Variants in STXBP5L observed in about 807,000 individuals in gnomAD.
STXBP5L encodes syntaxin binding protein 5L.
In STXBP5L, 65 loss-of-function variants were observed where a neutral mutation model predicts 144.5. That is an observed-to-expected ratio of 0.45 (90% CI 0.37 to 0.55). The LOEUF is 0.55. Ranked by LOEUF, STXBP5L falls within the 20% of genes least tolerant of loss-of-function variation. The pLI is 0.00. For synonymous variants in STXBP5L, 505 were observed against 469.6 expected (o/e 1.08, Z -0.97); for missense variants, 1,298 against 1,405.5 (o/e 0.92, Z 1.22).
chr3:121,083,003 C>G (rs981400510), intron 5 of STXBP5L, among the ~76,000 whole-genome samples: 6 of 152,138 alleles, frequency 3.9e-5, no homozygotes, highest in Non-Finnish European at 7.4e-5. Context: ...TCAAGACATC[C>G]TGGCCAACAT....
chr3:121,408,014 C>T (rs961278712), intron 23 of STXBP5L, among the ~76,000 whole-genome samples: 3 of 151,934 alleles, frequency 2.0e-5, no homozygotes, highest in African/African-American at 7.2e-5. Flanking sequence ...AAGAAATTTA[C>T]ATACAGAGTT....
chr3:121,167,236 G>A (rs1396223014), intron 9 of STXBP5L, among the ~76,000 whole-genome samples: 1 of 152,140 alleles, frequency 6.6e-6, no homozygotes, highest in Non-Finnish European at 1.5e-5. Context: ...GCCAAAATGA[G>A]AAGTTGCTCT....
At chr3:121,383,133 A>T (rs2046355768) in intron 22 of STXBP5L, among the ~76,000 whole-genome samples, 2 of 151,966 alleles carry the variant, frequency 1.3e-5, no homozygotes, top group South Asian at 2.1e-4. Flanking sequence ...AAATTTTTTT[A>T]AATATATATA....
intron 5 of STXBP5L, among the ~76,000 whole-genome samples, chr3:121,087,588 G>C (rs562292133): frequency 2.6e-5 from 4 of 152,012 alleles, no homozygotes; most frequent in Admixed American, 2.0e-4. Context: ...ATTTCTTATA[G>C]ACAAGCGTAT....
intron 9 of STXBP5L, among the ~76,000 whole-genome samples, chr3:121,202,335 C>T (rs1394994920): frequency 1.3e-5 from 2 of 152,110 alleles, no homozygotes; most frequent in African/African-American, 4.8e-5. Context: ...CTCTCACCCA[C>T]CTTCTTTTTC....
intron 10 of STXBP5L, among the ~76,000 whole-genome samples, chr3:121,209,023 G>A (rs1312126976): frequency 6.6e-6 from 1 of 152,038 alleles, no homozygotes; most frequent in Non-Finnish European, 1.5e-5. Flanking sequence ...GCAGTGTTTG[G>A]TTTTCTGTTC....
intron 9 of STXBP5L, among the ~76,000 whole-genome samples, chr3:121,189,720 A>C (rs920848898): frequency 1.3e-5 from 2 of 152,184 alleles, no homozygotes; most frequent in Non-Finnish European, 2.9e-5. Context: ...TTTTGGTTCC[A>C]TATGAACTTT....
At chr3:121,211,616 G>A (rs1473099958) in intron 10 of STXBP5L, among the ~76,000 whole-genome samples, 2 of 112,896 alleles carry the variant, frequency 1.8e-5, no homozygotes, top group African/African-American at 3.6e-5. Flanking sequence ...GTCTCGCTCT[G>A]TCACCAGGCT....
chr3:121,390,985 C>T (rs905886652), intron 22 of STXBP5L, among the ~76,000 whole-genome samples: 36 of 152,212 alleles, frequency 2.4e-4, no homozygotes, highest in Admixed American at 5.2e-4. Flanking sequence ...TGTTTTCCAA[C>T]TTGGTTCCAT....
At chr3:121,126,310 T>A (rs1577019860) in intron 7 of STXBP5L, among the ~76,000 whole-genome samples, 1 of 152,154 alleles carries the variant, frequency 6.6e-6, no homozygotes, top group African/African-American at 2.4e-5. Flanking sequence ...GCTGTAAGAG[T>A]AAAGCTGAGC....
At chr3:121,290,319 C>A (rs1014614825) in intron 19 of STXBP5L, among the ~76,000 whole-genome samples, 1 of 151,982 alleles carries the variant, frequency 6.6e-6, no homozygotes, top group African/African-American at 2.4e-5. Context: ...GGATAAATTC[C>A]TGGAAATATA....
At chr3:121,413,995 C>T (rs2108752211) in intron 24 of STXBP5L, among the ~76,000 whole-genome samples, 1 of 152,270 alleles carries the variant, frequency 6.6e-6, no homozygotes, top group Middle Eastern at 3.4e-3. Flanking sequence ...GGGCATTTTA[C>T]TTAACCTATC....
chr3:120,909,623 C>G lies in STXBP5L; in HGVS notation c.45C>G (p.Ala15=). Residue 15 remains alanine, a synonymous_variant, in exon 2 of 27, where the codon GCC becomes GCG. Transcript: ENST00000471454. ...NFRKVLDGLT[A]SSPGSGSSSG... The stretch of plus-strand genomic sequence containing the variant: ...GAAAAGTTTTGGATGGCTTAACTGC[C>G]TCCTCCCCTGGCAGTGGTAGCAGCA... 1 of 1,613,232 alleles carries G rather than the reference C, an allele frequency of 6.2e-7. No individual in the cohort carries two copies. Among genetic ancestry groups the G allele is most frequent in the Non-Finnish European group, 8.5e-7 (1 of 1,179,642 alleles).
chr3:121,317,606 A>T (rs986370889), intron 19 of STXBP5L, among the ~76,000 whole-genome samples: 16 of 152,324 alleles, frequency 1.1e-4, no homozygotes, highest in South Asian at 2.1e-4. Context: ...GAAATTATGA[A>T]TATTTATTTC....
intron 5 of STXBP5L, among the ~76,000 whole-genome samples, chr3:121,077,020 C>G (rs991547929): frequency 6.6e-6 from 1 of 152,166 alleles, no homozygotes; most frequent in African/African-American, 2.4e-5. Flanking sequence ...AGCACACAGT[C>G]CATGATAAGA....
chr3:121,115,440 T>A (rs927322697), intron 6 of STXBP5L, among the ~76,000 whole-genome samples: 5 of 152,194 alleles, frequency 3.3e-5, no homozygotes, highest in Non-Finnish European at 7.3e-5. Flanking sequence ...TGTAGCTTGT[T>A]CTTTTCTTGC....
chr3:121,078,960 G>T, intron 5 of STXBP5L, among the ~76,000 whole-genome samples: 1 of 152,220 alleles, frequency 6.6e-6, no homozygotes, highest in Admixed American at 6.5e-5. Flanking sequence ...TGCAAGCTGA[G>T]GGAGACAGCT....
At chr3:121,336,640 T>C (rs890332104) in intron 20 of STXBP5L, among the ~76,000 whole-genome samples, 2 of 151,834 alleles carry the variant, frequency 1.3e-5, no homozygotes, top group African/African-American at 4.8e-5. Flanking sequence ...GAAAAGGGAA[T>C]GCTTATACAC....
chr3:120,993,595 C>G (rs1241527606), intron 3 of STXBP5L, among the ~76,000 whole-genome samples: 1 of 151,488 alleles, frequency 6.6e-6, no homozygotes, highest in Admixed American at 6.6e-5. Flanking sequence ...TTCTTTGCAC[C>G]AAATGAGTTG....
Sources: allele counts gnomAD v4.1 joint callset (sites outside exome capture counted in the v4.1 genomes callset), GRCh38; gene constraint gnomAD v4.1.1; transcripts MANE v1.5; gene names NCBI Gene and HGNC (gene_info 2026-07-23, HGNC 2026-07-21).